The following DMXL2 variants were observed in gnomAD, a reference collection of about 807,000 sequenced individuals.
The protein encoded by DMXL2 is Dmx like 2.
A neutral mutation model predicts 331.1 loss-of-function variants in DMXL2; 103 were observed. That is an observed-to-expected ratio of 0.31 (90% CI 0.27 to 0.37). The LOEUF is 0.37. Among genes scored for constraint, DMXL2 ranks in the 10% least tolerant of loss-of-function variants. The probability of loss-of-function intolerance (pLI) is 1.00; values close to 1 mark genes in which losing one functional copy is unlikely to be tolerated. For missense variants in DMXL2, 3,171 were observed against 3,642.9 expected, an observed-to-expected ratio of 0.87 and a Z score of 3.33; for synonymous variants, 1,281 against 1,252.1, an observed-to-expected ratio of 1.02 and a Z score of -0.49.
intron 33 of DMXL2, among the ~76,000 whole-genome samples, chr15:51,461,236 T>C (rs960210321): frequency 1.2e-4 from 18 of 151,700 alleles, no homozygotes; most frequent in Non-Finnish European, 2.5e-4. Context: ...GGAAGAAAAA[T>C]AGAACACACA....
chr15:51,560,056 G>A (rs562881503), intron 6 of DMXL2, among the ~76,000 whole-genome samples: 1 of 152,204 alleles, frequency 6.6e-6, no homozygotes, highest in South Asian at 2.1e-4. Flanking sequence ...GAAAAAGAAT[G>A]AACTATTCAG....
intron 26 of DMXL2, among the ~76,000 whole-genome samples, 173 bp downstream of exon 26, chr15:51,478,098 G>A (rs117375003): frequency 0.02 from 3,010 of 152,056 alleles, 126 homozygotes; most frequent in Admixed American, 0.1. Context: ...GTGACTACTA[G>A]GTGACAACTA....
At chr15:51,527,809 CT>C (rs1195399783) in intron 13 of DMXL2, among the ~76,000 whole-genome samples, 2 of 150,860 alleles carry the variant, frequency 1.3e-5, no homozygotes, top group Admixed American at 1.3e-4. Context: ...TACACTGTAA[CT>C]GTGGTGTGTA....
intron 1 of DMXL2, among the ~76,000 whole-genome samples, chr15:51,577,762 C>T (rs1337798569): frequency 6.6e-6 from 1 of 152,140 alleles, no homozygotes; most frequent in Admixed American, 6.6e-5. Flanking sequence ...CAGACTTTAT[C>T]TAGTTTGAAA....
chr15:51,476,820 A>ATTTTTGT, intron 26 of DMXL2, 101 bp from the exon 27 acceptor site: 1 of 889,290 alleles, frequency 1.1e-6, no homozygotes, highest in Non-Finnish European at 1.6e-6. Context: ...AGAAACAAAA[A>ATTTTTGT]TTCTTAAAAT....
chr15:51,580,830 T>C (rs1332901318), intron 1 of DMXL2, among the ~76,000 whole-genome samples: 2 of 152,160 alleles, frequency 1.3e-5, no homozygotes, highest in African/African-American at 4.8e-5. Context: ...TAACCCTCAC[T>C]TGTTATAATC....
chr15:51,581,522 TA>T (rs2141170764), intron 1 of DMXL2, among the ~76,000 whole-genome samples: 1 of 152,108 alleles, frequency 6.6e-6, no homozygotes, highest in Non-Finnish European at 1.5e-5. Context: ...AGAGGTCTTT[TA>T]AAATGCAGTG....
chr15:51,610,456 T>C (rs997338799), intron 1 of DMXL2, among the ~76,000 whole-genome samples: 2 of 152,120 alleles, frequency 1.3e-5, no homozygotes, highest in African/African-American at 4.8e-5. Flanking sequence ...GAGGACACAT[T>C]TTCTTTAAGC....
chr15:51,608,209 A>G (rs535193069), intron 1 of DMXL2, among the ~76,000 whole-genome samples: 1 of 152,204 alleles, frequency 6.6e-6, no homozygotes, highest in East Asian at 1.9e-4. Flanking sequence ...GAAACAAAAT[A>G]AAAACAGAAC....
chr15:51,537,428 G>C, intron 11 of DMXL2, 60 bp downstream of exon 11: 1 of 1,474,166 alleles, frequency 6.8e-7, no homozygotes, highest in Non-Finnish European at 9.1e-7. Context: ...ACTCTACAAA[G>C]CATTTATTTC....
intron 9 of DMXL2, among the ~76,000 whole-genome samples, chr15:51,539,028 G>A (rs1003367327): frequency 2.6e-5 from 4 of 151,538 alleles, no homozygotes; most frequent in Admixed American, 6.6e-5. Flanking sequence ...TGGGCAACAC[G>A]GTGAAGCCCC....
At chr15:51,508,285 C>A (rs548963101) in intron 15 of DMXL2, among the ~76,000 whole-genome samples, 3 of 152,212 alleles carry the variant, frequency 2.0e-5, no homozygotes, top group East Asian at 3.9e-4. Flanking sequence ...ATGTAACAAA[C>A]CTGCATGTTC....
rs558634020 is a variant in DMXL2 at position 51,498,022 on chromosome 15, C to T, written c.4672+530G>A. Among the ~76,000 whole-genome samples, 6 of 152,266 alleles carry T rather than the reference C, an allele frequency of 3.9e-5. No homozygotes were observed. The East Asian group carries it at 1.2e-3, about 29-fold the overall frequency. The stretch of plus-strand genomic sequence containing the variant: ...CCAAGGCAGGAGGACTGCTTGAGCT[C>T]AGGAATTCGAGACTAGCTGGGGCAA... On this transcript the variant is annotated intron_variant, in intron 18 of 43. Coordinates refer to ENST00000560891, the MANE Select transcript of DMXL2 (RefSeq NM_001378457.1).
intron 5 of DMXL2, 36 bp from the exon 6 acceptor site, chr15:51,563,483 A>T (rs1021134034): frequency 6.1e-6 from 9 of 1,480,702 alleles, no homozygotes; most frequent in Non-Finnish European, 8.4e-6. Flanking sequence ...AGCCCTTTTA[A>T]AATCTGGTGT....
chr15:51,589,096 G>A (rs1035771370), intron 1 of DMXL2, among the ~76,000 whole-genome samples: 3 of 152,190 alleles, frequency 2.0e-5, no homozygotes, highest in African/African-American at 4.8e-5. Flanking sequence ...GGAAATGACG[G>A]TGGCTAATAA....
chr15:51,601,215 T>C (rs911132520), intron 1 of DMXL2, among the ~76,000 whole-genome samples: 2 of 144,004 alleles, frequency 1.4e-5, no homozygotes, highest in Non-Finnish European at 3.0e-5. Context: ...GGCGTGAACC[T>C]GGGAGGCGGA....
intron 29 of DMXL2, among the ~76,000 whole-genome samples, chr15:51,470,725 T>G (rs1045585451): frequency 6.6e-6 from 1 of 152,170 alleles, no homozygotes; most frequent in Non-Finnish European, 1.5e-5. Flanking sequence ...GCACCCAGCA[T>G]GGTATGAAAT....
intron 1 of DMXL2, among the ~76,000 whole-genome samples, chr15:51,580,677 C>T (rs538081478): frequency 2.6e-5 from 4 of 152,244 alleles, no homozygotes; most frequent in Non-Finnish European, 5.9e-5. Context: ...GCTTTCCTTC[C>T]ATTCATGTGG....
At chr15:51,593,606 A>G (rs1399195726) in intron 1 of DMXL2, among the ~76,000 whole-genome samples, 1 of 152,220 alleles carries the variant, frequency 6.6e-6, no homozygotes, top group Non-Finnish European at 1.5e-5. Flanking sequence ...AATCAACAGA[A>G]TATACATTCT....
Sources: allele counts gnomAD v4.1 joint callset (sites outside exome capture counted in the v4.1 genomes callset), GRCh38; gene constraint gnomAD v4.1.1; transcripts MANE v1.5; gene names NCBI Gene and HGNC (gene_info 2026-07-23, HGNC 2026-07-21).